PPM1L: variants seen among roughly 807,000 people sequenced by gnomAD.
PPM1L encodes the protein protein phosphatase 1L.
PPM1L carries 13 observed loss-of-function variants against 31.4 expected under a neutral mutation model. The ratio of observed to expected loss-of-function variants is 0.41; its 90% confidence interval spans 0.27 to 0.66. The LOEUF (loss-of-function observed/expected upper bound fraction) is 0.66, where lower values mean the gene tolerates loss of function less well. PPM1L is among the 30% of genes least tolerant of loss of function. The pLI is 0.29. For synonymous variants in PPM1L, 184 were observed against 175.4 expected, an observed-to-expected ratio of 1.05 and a Z score of -0.39; for missense variants, 326 against 453.7, an observed-to-expected ratio of 0.72 and a Z score of 2.56.
At chr3:160,813,871 A>G (rs1043919200) in intron 1 of PPM1L, among the ~76,000 whole-genome samples, 2 of 152,198 alleles carry the variant, frequency 1.3e-5, no homozygotes, top group African/African-American at 2.4e-5. Flanking sequence ...AACATTCTGC[A>G]TACGTTTTAC....
At chr3:160,803,179 C>T (rs1712486380) in intron 1 of PPM1L, among the ~76,000 whole-genome samples, 1 of 152,216 alleles carries the variant, frequency 6.6e-6, no homozygotes, top group South Asian at 2.1e-4. Context: ...AAGAGATGTT[C>T]TCCCCTCCCC....
At position 160,852,373 on chromosome 3, in the gene PPM1L, A is replaced by C. The variant is rs564199148; in HGVS notation, c.399+95666A>C. ...TTAAGGAAAATATTTATTCATTAAA[A>C]GCAATGCTGTATTTTAATGAAGCAT... is the stretch of plus-strand genomic sequence containing the variant. On this transcript the variant is annotated intron_variant, in intron 1 of 3. Transcript: ENST00000498165. Among the ~76,000 whole-genome samples, 66 of 152,376 alleles carry C rather than the reference A, an allele frequency of 4.3e-4. No individual in the cohort carries two copies. In the South Asian group the frequency reaches 0.014, roughly 32 times the overall value.
At chr3:161,010,727 G>T (rs1053042182) in intron 2 of PPM1L, among the ~76,000 whole-genome samples, 2 of 152,210 alleles carry the variant, frequency 1.3e-5, no homozygotes, top group African/African-American at 4.8e-5. Context: ...TAACTGGTGT[G>T]AGATGGTATC....
intron 1 of PPM1L, among the ~76,000 whole-genome samples, chr3:160,917,831 T>C (rs1038050261): frequency 6.6e-6 from 1 of 152,196 alleles, no homozygotes; most frequent in Admixed American, 6.5e-5. Flanking sequence ...ACACCAACAA[T>C]GTGATGGCCC....
intron 2 of PPM1L, among the ~76,000 whole-genome samples, chr3:160,995,164 A>C (rs1178179865): frequency 6.6e-6 from 1 of 152,218 alleles, no homozygotes; most frequent in African/African-American, 2.4e-5. Flanking sequence ...GTGAGAACAA[A>C]AGCCTCTTTG....
At chr3:160,928,335 A>G (rs989018939) in intron 1 of PPM1L, among the ~76,000 whole-genome samples, 2 of 152,194 alleles carry the variant, frequency 1.3e-5, no homozygotes, top group African/African-American at 4.8e-5. Flanking sequence ...ACCACAGGGC[A>G]TATGGCCTGG....
chr3:160,928,913 T>C (rs2108077646), intron 1 of PPM1L, among the ~76,000 whole-genome samples: 1 of 152,250 alleles, frequency 6.6e-6, no homozygotes, highest in East Asian at 1.9e-4. Flanking sequence ...TATATTGTTA[T>C]AGCAGCACAA....
chr3:160,924,231 A>G (rs552748071), intron 1 of PPM1L, among the ~76,000 whole-genome samples: 1 of 142,050 alleles, frequency 7.0e-6, no homozygotes, highest in South Asian at 2.3e-4. Flanking sequence ...GAGCTTGGCT[A>G]TGGGCTGTGA....
chr3:161,066,977 G>A (rs187359603), intron 3 of PPM1L, among the ~76,000 whole-genome samples: 21 of 152,266 alleles, frequency 1.4e-4, no homozygotes, highest in African/African-American at 2.6e-4. Flanking sequence ...GGGATGAAAC[G>A]AATGATATTT....
intron 1 of PPM1L, among the ~76,000 whole-genome samples, chr3:160,850,055 A>G (rs954724423): frequency 5.3e-5 from 8 of 152,170 alleles, no homozygotes; most frequent in Admixed American, 2.0e-4. Context: ...GACTGCCCTT[A>G]TTTCAGACAC....
At chr3:161,058,383 C>A (rs1004148408) in intron 2 of PPM1L, among the ~76,000 whole-genome samples, 3 of 151,788 alleles carry the variant, frequency 2.0e-5, no homozygotes, top group African/African-American at 7.3e-5. Flanking sequence ...CCTCAGCCTC[C>A]GAAAGTGCTG....
intron 1 of PPM1L, among the ~76,000 whole-genome samples, chr3:160,810,734 G>A (rs1405333089): frequency 6.6e-6 from 1 of 152,148 alleles, no homozygotes; most frequent in Non-Finnish European, 1.5e-5. Flanking sequence ...AGAAAATTAA[G>A]GAGGTCATAA....
rs1263372330 is a variant in PPM1L at position 160,758,813 on chromosome 3, T to G, written c.399+2106T>G. On this transcript the variant is annotated intron_variant, in intron 1 of 3. Transcript: ENST00000498165. ...ACTGCAAATGAAAAGATGATAATCTTTAGCCAAACCATGAAATACTTTTCT... is the reference window on the plus strand; with the variant it reads ...ACTGCAAATGAAAAGATGATAATCTGTAGCCAAACCATGAAATACTTTTCT... Among the ~76,000 whole-genome samples the G allele has an allele frequency of 2.0e-5, 3 of 152,226 alleles. No homozygotes were observed. In the East Asian group the frequency reaches 5.8e-4, roughly 29 times the overall value.
intron 1 of PPM1L, among the ~76,000 whole-genome samples, chr3:160,858,103 G>A (rs1711775489): frequency 6.6e-6 from 1 of 152,076 alleles, no homozygotes; most frequent in African/African-American, 2.4e-5. Context: ...TGTTCTAAAA[G>A]GAAAATTATC....
At chr3:160,803,416 T>C (rs1333270609) in intron 1 of PPM1L, among the ~76,000 whole-genome samples, 1 of 149,476 alleles carries the variant, frequency 6.7e-6, no homozygotes, top group Non-Finnish European at 1.5e-5. Context: ...CAAGAAAAAA[T>C]TAAAATGGTA....
chr3:161,008,076 TC>T (rs1717772374), intron 2 of PPM1L, among the ~76,000 whole-genome samples: 1 of 152,160 alleles, frequency 6.6e-6, no homozygotes, highest in South Asian at 2.1e-4. Context: ...GAATTACTCT[TC>T]CCCAAGGCAG....
intron 2 of PPM1L, among the ~76,000 whole-genome samples, chr3:160,963,744 T>G (rs567312610): frequency 2.8e-4 from 43 of 152,148 alleles, no homozygotes; most frequent in Non-Finnish European, 5.3e-4. Flanking sequence ...ACCACTCAAT[T>G]TTTTCCTGCT....
intron 1 of PPM1L, among the ~76,000 whole-genome samples, chr3:160,857,687 A>G (rs1178083164): frequency 6.6e-6 from 1 of 152,154 alleles, no homozygotes. Flanking sequence ...GCCTGCTCTT[A>G]AAGAGGTTAA....
At chr3:161,019,793 T>C (rs1020378151) in intron 2 of PPM1L, among the ~76,000 whole-genome samples, 1 of 152,140 alleles carries the variant, frequency 6.6e-6, no homozygotes, top group African/African-American at 2.4e-5. Context: ...ATATAATTAG[T>C]TGGCCTTTTT....
Sources: allele counts gnomAD v4.1 joint callset (sites outside exome capture counted in the v4.1 genomes callset), GRCh38; gene constraint gnomAD v4.1.1; transcripts MANE v1.5; gene names NCBI Gene and HGNC (gene_info 2026-07-23, HGNC 2026-07-21).